ZNRF3: variants seen among roughly 807,000 people sequenced by gnomAD.
The protein encoded by ZNRF3 is zinc and ring finger 3, also known as E3 ubiquitin-protein ligase ZNRF3.
In ZNRF3, 23 loss-of-function variants were observed where a neutral mutation model predicts 72.5. The observed-to-expected ratio is 0.32, with a 90% CI of 0.23 to 0.45. The LOEUF (loss-of-function observed/expected upper bound fraction) is 0.45. ZNRF3 is among the 20% of genes least tolerant of loss of function. The pLI is 1.00. For synonymous variants in ZNRF3, 610 were observed against 545.3 expected (o/e 1.12, Z -1.65); for missense variants, 1,169 against 1,272.1 (o/e 0.92, Z 1.23).
intron 1 of ZNRF3, among the ~76,000 whole-genome samples, chr22:28,899,481 C>T (rs567035267): frequency 2.0e-5 from 3 of 152,198 alleles, no homozygotes; most frequent in East Asian, 1.9e-4. Context: ...TTAGGGACCA[C>T]GGTGACTGGG....
At chr22:29,024,595 C>T (rs530487024) in intron 2 of ZNRF3, among the ~76,000 whole-genome samples, 1 of 152,132 alleles carries the variant, frequency 6.6e-6, no homozygotes, top group East Asian at 1.9e-4. Context: ...CATGTAGGGT[C>T]CCTAGTATAA....
chr22:28,944,188 C>A (rs2035003416), intron 1 of ZNRF3, among the ~76,000 whole-genome samples: 1 of 152,170 alleles, frequency 6.6e-6, no homozygotes, highest in South Asian at 2.1e-4. Context: ...TAAAAATACT[C>A]ATACCCCGGC....
chr22:28,957,788 T>C (rs2035286053), intron 1 of ZNRF3, among the ~76,000 whole-genome samples: 2 of 152,004 alleles, frequency 1.3e-5, no homozygotes, highest in Admixed American at 6.6e-5. Context: ...TCCAGTGAAG[T>C]TTCTTGAGAC....
At chr22:28,911,416 T>G (rs563616863) in intron 1 of ZNRF3, among the ~76,000 whole-genome samples, 1 of 152,336 alleles carries the variant, frequency 6.6e-6, no homozygotes, top group South Asian at 2.1e-4. Context: ...ATTGCAGCCC[T>G]CACTGCACAG....
chr22:28,970,272 C>T (rs943775365), intron 1 of ZNRF3, among the ~76,000 whole-genome samples: 7 of 152,142 alleles, frequency 4.6e-5, no homozygotes, highest in African/African-American at 1.7e-4. Flanking sequence ...AAAAGTTGCT[C>T]AGCAACATCG....
chr22:29,016,259 G>A (rs1029565065), intron 2 of ZNRF3, among the ~76,000 whole-genome samples: 1 of 152,202 alleles, frequency 6.6e-6, no homozygotes, highest in East Asian at 1.9e-4. Flanking sequence ...CATTCTGGGA[G>A]GTGAAGTGGT....
At position 28,955,637 on chromosome 22, in the gene ZNRF3, G is replaced by T. The variant is rs375091066; in HGVS notation, c.301-31439G>T. Among the ~76,000 whole-genome samples the T allele has an allele frequency of 3.3e-5, 5 of 152,116 alleles. No homozygotes were observed. In the South Asian group the frequency reaches 1.0e-3, roughly 32 times the overall value. On this transcript the variant is annotated intron_variant, in intron 1 of 8. Coordinates refer to ENST00000544604, the MANE Select transcript of ZNRF3 (RefSeq NM_001206998.2). ...TTACTTAAGGTTTGGATTATGGGAA[G>T]GACTTTTACTACTAAAGACGTTGGA...
intron 2 of ZNRF3, among the ~76,000 whole-genome samples, chr22:29,012,546 G>C (rs1306426920): frequency 1.3e-5 from 2 of 152,196 alleles, no homozygotes; most frequent in African/African-American, 4.8e-5. Context: ...TATCAAGCTG[G>C]TCAGTGAATG....
chr22:29,001,758 C>G (rs2036153603), intron 2 of ZNRF3, among the ~76,000 whole-genome samples: 1 of 152,082 alleles, frequency 6.6e-6, no homozygotes, highest in African/African-American at 2.4e-5. Context: ...CAGTGAGCCA[C>G]CGCGCCCAGC....
At chr22:28,906,632 G>A (rs1034289139) in intron 1 of ZNRF3, among the ~76,000 whole-genome samples, 2 of 152,182 alleles carry the variant, frequency 1.3e-5, no homozygotes, top group African/African-American at 4.8e-5. Context: ...ATGTTCGGTT[G>A]GTGTCTGTTG....
chr22:28,970,794 A>C (rs965557399), intron 1 of ZNRF3, among the ~76,000 whole-genome samples: 1 of 152,230 alleles, frequency 6.6e-6, no homozygotes, highest in African/African-American at 2.4e-5. Flanking sequence ...GTTTATGTGG[A>C]ATTCCAGAAA....
intron 2 of ZNRF3, among the ~76,000 whole-genome samples, chr22:29,003,576 G>A (rs1442569127): frequency 1.3e-5 from 2 of 151,426 alleles, no homozygotes; most frequent in Admixed American, 6.6e-5. Flanking sequence ...CTGAAGGCTC[G>A]TGCCTGTAAT....
At chr22:28,951,509 G>T (rs1453420594) in intron 1 of ZNRF3, among the ~76,000 whole-genome samples, 2 of 152,170 alleles carry the variant, frequency 1.3e-5, no homozygotes, top group Non-Finnish European at 2.9e-5. Flanking sequence ...TAGGGGAGAG[G>T]TGTGGAACAG....
At chr22:29,029,736 C>T (rs1034126374) in intron 2 of ZNRF3, among the ~76,000 whole-genome samples, 5 of 152,094 alleles carry the variant, frequency 3.3e-5, no homozygotes, top group Non-Finnish European at 5.9e-5. Context: ...CAGTTGCCTC[C>T]TCCGTGAGCG....
intron 2 of ZNRF3, among the ~76,000 whole-genome samples, chr22:28,995,448 A>G (rs901566149): frequency 5.9e-5 from 9 of 152,168 alleles, no homozygotes; most frequent in African/African-American, 2.2e-4. Context: ...GAAGAAATCC[A>G]AAGATGTTTG....
intron 1 of ZNRF3, among the ~76,000 whole-genome samples, chr22:28,944,926 C>CAAATAAAT (rs71316875): frequency 1.5e-3 from 222 of 143,566 alleles, no homozygotes; most frequent in African/African-American, 3.3e-3. Context: ...ACTCCGTCTC[C>CAAATAAAT]AAATAAATAA....
intron 1 of ZNRF3, among the ~76,000 whole-genome samples, chr22:28,890,361 G>A (rs563757504): frequency 5.3e-5 from 8 of 152,144 alleles, no homozygotes; most frequent in Non-Finnish European, 1.2e-4. Context: ...TTAGCCGGGC[G>A]TGGTGGCGGG....
chr22:28,942,650 G>A (rs1299590785), intron 1 of ZNRF3, among the ~76,000 whole-genome samples: 3 of 152,312 alleles, frequency 2.0e-5, no homozygotes, highest in East Asian at 1.9e-4. Flanking sequence ...TTAGGGGTCC[G>A]TGCTACGTCT....
chr22:28,966,112 A>T (rs2035454127), intron 1 of ZNRF3, among the ~76,000 whole-genome samples: 1 of 152,176 alleles, frequency 6.6e-6, no homozygotes, highest in African/African-American at 2.4e-5. Context: ...TCTCCTGTCT[A>T]CTTTCAGATA....
Sources: gnomAD v4.1 joint callset for allele counts (sites outside exome capture counted in the v4.1 genomes callset) on GRCh38, gnomAD v4.1.1 for gene constraint, MANE v1.5 for transcripts, NCBI Gene and HGNC (gene_info 2026-07-23, HGNC 2026-07-21) for gene names.